STX8: variants seen among roughly 807,000 people sequenced by gnomAD.
STX8 encodes syntaxin-8.
Under a neutral mutation model 37.5 loss-of-function variants are expected in STX8, and 23 were observed. The observed-to-expected ratio is 0.61, with a 90% CI of 0.44 to 0.87. The LOEUF (loss-of-function observed/expected upper bound fraction) is 0.87. Among genes scored for constraint, STX8 ranks in the 40% least tolerant of loss-of-function variants. The probability of loss-of-function intolerance (pLI) is 0.00; values close to 1 mark genes in which losing one functional copy is unlikely to be tolerated. For synonymous variants in STX8, 115 were observed against 99.1 expected, an observed-to-expected ratio of 1.16 and a Z score of -0.95; for missense variants, 313 against 284.7, an observed-to-expected ratio of 1.10 and a Z score of -0.71.
At chr17:9,271,058 T>G in intron 7 of STX8, among the ~76,000 whole-genome samples, 1 of 152,182 alleles carries the variant, frequency 6.6e-6, no homozygotes, top group Non-Finnish European at 1.5e-5. Flanking sequence ...TCTCAAGACA[T>G]TACCAAAAAT....
intron 7 of STX8, among the ~76,000 whole-genome samples, chr17:9,319,290 G>T (rs555716961): frequency 1.3e-5 from 2 of 152,114 alleles, no homozygotes; most frequent in East Asian, 3.9e-4. Context: ...GTGGTGGCGG[G>T]TGCCTGTAGT....
chr17:9,534,600 C>T (rs571258987), intron 4 of STX8, among the ~76,000 whole-genome samples: 1 of 152,240 alleles, frequency 6.6e-6, no homozygotes, highest in African/African-American at 2.4e-5. Context: ...ACCATCCTGC[C>T]AACATGGTGA....
At chr17:9,273,049 G>A (rs2142141535) in intron 7 of STX8, among the ~76,000 whole-genome samples, 1 of 152,372 alleles carries the variant, frequency 6.6e-6, no homozygotes, top group East Asian at 1.9e-4. Context: ...GAAGGAAGGG[G>A]GAAAACCGCC....
intron 4 of STX8, among the ~76,000 whole-genome samples, chr17:9,532,233 T>G (rs368973401): frequency 6.6e-6 from 1 of 152,092 alleles, no homozygotes; most frequent in South Asian, 2.1e-4. Flanking sequence ...TGTGAGAACA[T>G]ACATAACCTA....
In STX8 at chr17:9,396,728, AC is replaced by A. The variant is rs1314659310; in HGVS notation, c.542-18076del. 6.7e-3 allele frequency among the ~76,000 whole-genome samples: 994 copies of A among 148,858 alleles called. 13 individuals carry two copies. Among genetic ancestry groups the A allele is most frequent in the African/African-American group, 0.022 (909 of 40,432 alleles). ...AAACACCATCTGAAAAAAAAAAAAA[AC>A]AACTCTATATGATACTGTAAAGATA... On this transcript the variant is annotated intron_variant, in intron 6 of 7. Coordinates refer to ENST00000306357, the MANE Select transcript of STX8 (RefSeq NM_004853.3).
intron 4 of STX8, among the ~76,000 whole-genome samples, chr17:9,506,545 G>A (rs1904845344): frequency 6.6e-6 from 1 of 151,996 alleles, no homozygotes; most frequent in African/African-American, 2.4e-5. Flanking sequence ...AAGTCTAGGA[G>A]GGCAGCATGA....
At chr17:9,408,225 G>A (rs781406051) in intron 6 of STX8, among the ~76,000 whole-genome samples, 6 of 152,138 alleles carry the variant, frequency 3.9e-5, no homozygotes, top group Middle Eastern at 3.2e-3. Flanking sequence ...AATGTCTGGC[G>A]AACACCATAC....
At chr17:9,483,328 T>C (rs12103809) in intron 6 of STX8, among the ~76,000 whole-genome samples, 5,599 of 152,272 alleles carry the variant, frequency 0.037, 330 homozygotes, top group African/African-American at 0.13. Flanking sequence ...ACTGCACTGC[T>C]TCAATCTTCC....
intron 6 of STX8, among the ~76,000 whole-genome samples, chr17:9,468,930 G>A (rs567103903): frequency 1.3e-5 from 2 of 152,114 alleles, no homozygotes; most frequent in Non-Finnish European, 2.9e-5. Context: ...CTCCTCATAC[G>A]CATCCCGCAT....
rs1056519688 is a variant in STX8, at chr17:9,301,407, C to T, written c.644-50762G>A. 2.0e-5 allele frequency among the ~76,000 whole-genome samples: 3 copies of T among 151,880 alleles called. No homozygotes were observed. The South Asian group carries it at 6.2e-4, about 31-fold the overall frequency. ...TTAATATGTTTCCTAATATTAACCT[C>T]TCTTTGTACACTTGAGATTAATTTG... is the stretch of plus-strand genomic sequence containing the variant. On this transcript the variant is annotated intron_variant, in intron 7 of 7. Transcript: ENST00000306357.
At chr17:9,329,934 C>G (rs573232519) in intron 7 of STX8, among the ~76,000 whole-genome samples, 1 of 152,196 alleles carries the variant, frequency 6.6e-6, no homozygotes, top group South Asian at 2.1e-4. Flanking sequence ...TTGGAAGCAG[C>G]AGACCCCGAA....
chr17:9,442,613 G>A (rs1270300561), intron 6 of STX8, among the ~76,000 whole-genome samples: 3 of 152,156 alleles, frequency 2.0e-5, no homozygotes, highest in South Asian at 4.2e-4. Flanking sequence ...TCACCATGTT[G>A]GCCAGGCTGG....
intron 6 of STX8, among the ~76,000 whole-genome samples, chr17:9,476,078 C>T (rs1906091351): frequency 1.3e-5 from 2 of 152,214 alleles, no homozygotes; most frequent in Admixed American, 6.5e-5. Flanking sequence ...ACTCAGGAGG[C>T]TGAGACAGAA....
intron 7 of STX8, among the ~76,000 whole-genome samples, chr17:9,369,048 G>A (rs1393763538): frequency 6.6e-6 from 1 of 151,956 alleles, no homozygotes; most frequent in African/African-American, 2.4e-5. Context: ...AGCCTCCCAA[G>A]TAGCTGGGAC....
At chr17:9,508,576 G>T (rs1043154333) in intron 4 of STX8, among the ~76,000 whole-genome samples, 1 of 152,210 alleles carries the variant, frequency 6.6e-6, no homozygotes, top group South Asian at 2.1e-4. Flanking sequence ...TGATCTGCCC[G>T]CCTTGGCCTC....
intron 3 of STX8, chr17:9,556,758 T>TATATATATATATATACATAC (rs1906981947): frequency 7.6e-4 from 4 of 5,256 alleles, no homozygotes; most frequent in Non-Finnish European, 1.1e-3. Flanking sequence ...AAAATATATA[T>TATATATATATATATACATAC]ATATATATAT....
intron 6 of STX8, among the ~76,000 whole-genome samples, chr17:9,429,403 A>G (rs1383574489): frequency 6.9e-6 from 1 of 145,086 alleles, no homozygotes; most frequent in Admixed American, 7.1e-5. Flanking sequence ...TTATAAATAT[A>G]TAAATATATG....
intron 2 of STX8, among the ~76,000 whole-genome samples, chr17:9,559,616 A>G (rs536658913): frequency 2.7e-5 from 4 of 150,534 alleles, no homozygotes; most frequent in South Asian, 2.1e-4. Flanking sequence ...CCAATACAAT[A>G]AGAAAAATTA....
At chr17:9,402,265 A>G (rs891809520) in intron 6 of STX8, among the ~76,000 whole-genome samples, 1 of 151,970 alleles carries the variant, frequency 6.6e-6, no homozygotes, top group African/African-American at 2.4e-5. Flanking sequence ...AATTACAGGC[A>G]TGCACCACCA....
Sources: allele counts gnomAD v4.1 joint callset (sites outside exome capture counted in the v4.1 genomes callset), GRCh38; gene constraint gnomAD v4.1.1; transcripts MANE v1.5; gene names NCBI Gene and HGNC (gene_info 2026-07-23, HGNC 2026-07-21).